Variants in TRPC5OS observed in about 807,000 individuals in gnomAD.
TRPC5OS encodes putative uncharacterized protein TRPC5OS.
For synonymous variants in TRPC5OS, 30 were observed against 29.3 expected (o/e 1.02, Z -0.08); for missense variants, 64 against 79.3 (o/e 0.81, Z 0.73).
chrX:111,881,254 G>A (rs956888464), intron 1 of TRPC5OS, among the ~76,000 whole-genome samples: 4 of 109,624 alleles, frequency 3.6e-5, no homozygotes, highest in African/African-American at 1.3e-4. Flanking sequence ...TCTGCTCACT[G>A]TAACCTCCAC....
Position 111,901,875 on chromosome X carries a change from T to A in TRPC5OS, c.26T>A (p.Leu9His). Residue 9 changes from leucine to histidine, a missense_variant, in exon 4 of 4, where the codon CTC becomes CAC. Leu to His is a moderately conservative substitution (Grantham distance 99). Transcript: ENST00000635763. MDSVLIHV[L>H]IDGLVACVAQ... Reference sequence around the variant, plus strand: ...ATGGATTCTGTGTTAATTCATGTACTCATTGATGGACTTGTTGCTTGTGTA... The same window carrying A: ...ATGGATTCTGTGTTAATTCATGTACACATTGATGGACTTGTTGCTTGTGTA... 1 of 1,147,813 alleles carries A rather than the reference T, an allele frequency of 8.7e-7. No homozygotes were observed. The highest frequency in any genetic ancestry group is 1.2e-6 in the Non-Finnish European group (1 of 868,820). The allele number at this position is 1,147,813 out of a possible 1,213,427, so 94.6% of individuals were successfully genotyped here.
chrX:111,892,931 C>A (rs1213242849), intron 1 of TRPC5OS, among the ~76,000 whole-genome samples: 1 of 111,716 alleles, frequency 9.0e-6, no homozygotes, highest in Non-Finnish European at 1.9e-5. Context: ...TAATTATATA[C>A]CAGACACCAT....
intron 1 of TRPC5OS, among the ~76,000 whole-genome samples, chrX:111,892,925 T>G (rs1924871833): frequency 8.9e-6 from 1 of 111,839 alleles, no homozygotes; most frequent in Non-Finnish European, 1.9e-5. Flanking sequence ...AGGTGCTAAT[T>G]ATATACCAGA....
At chrX:111,894,028 A>T (rs1415763509) in intron 1 of TRPC5OS, among the ~76,000 whole-genome samples, 1 of 111,592 alleles carries the variant, frequency 9.0e-6, no homozygotes, top group Non-Finnish European at 1.9e-5. Context: ...AACAAGCTAT[A>T]TTGAATGCAT....
At chrX:111,888,510 CAA>C (rs200585074) in intron 1 of TRPC5OS, among the ~76,000 whole-genome samples, 1 of 65,265 alleles carries the variant, frequency 1.5e-5, no homozygotes, top group African/African-American at 5.1e-5. Flanking sequence ...CCGTCTCTAC[CAA>C]AAAAAAAAAA....
rs1462225734 is a variant in TRPC5OS at position 111,903,815 on chromosome X, T to C, written c.*1630T>C. 1 of 112,105 alleles carries C rather than the reference T, an allele frequency of 8.9e-6. No homozygotes were observed. The highest frequency in any genetic ancestry group is 1.9e-5 in the Non-Finnish European group (1 of 53,206). 9.2% of individuals were successfully genotyped at this position (112,105 alleles called of 1,213,427 possible). ...GGTAGTACAAGTTTTCATCCCTATT[T>C]GTTTGGGTTAAAATATGTGGGGAGT... On this transcript the variant is annotated 3_prime_UTR_variant, in exon 4 of 4. Coordinates refer to ENST00000635763, the MANE Select transcript of TRPC5OS (RefSeq NM_001195578.2).
intron 1 of TRPC5OS, among the ~76,000 whole-genome samples, chrX:111,879,528 C>A (rs1296522779): frequency 8.9e-6 from 1 of 112,270 alleles, no homozygotes; most frequent in Non-Finnish European, 1.9e-5. Flanking sequence ...TCCAATAAAC[C>A]AGTCAGCACA....
chrX:111,890,444 G>A (rs955273886), intron 1 of TRPC5OS, among the ~76,000 whole-genome samples: 3 of 112,017 alleles, frequency 2.7e-5, no homozygotes, highest in African/African-American at 9.7e-5. Flanking sequence ...AGGCTTTAAG[G>A]TATATGAGGG....
intron 1 of TRPC5OS, among the ~76,000 whole-genome samples, chrX:111,887,989 C>T (rs747059868): frequency 1.8e-5 from 2 of 111,384 alleles, no homozygotes; most frequent in East Asian, 2.8e-4. Flanking sequence ...CTCAGGACTG[C>T]CAAGTTGGGA....
At chrX:111,888,617 G>A (rs1453350061) in intron 1 of TRPC5OS, among the ~76,000 whole-genome samples, 3 of 101,962 alleles carry the variant, frequency 2.9e-5, no homozygotes, top group African/African-American at 3.6e-5. Context: ...TGGCTTGAAC[G>A]TGGGAGGTGG....
At position 111,902,436 on chromosome X, in the gene TRPC5OS, T is replaced by G. The variant is rs190626743; in HGVS notation, c.*251T>G. On this transcript the variant is annotated 3_prime_UTR_variant, in exon 4 of 4. Transcript: ENST00000635763. ...CTCCCTTTACCTGTACTTACTCTCA[T>G]GCTAGAATTTCTGATGATGGGAGCA... The G allele has an allele frequency of 5.3e-6, 1 of 187,542 alleles. No individual in the cohort carries two copies. The highest frequency in any genetic ancestry group is 1.0e-4 in the East Asian group (1 of 9,621). The allele number at this position is 187,542 out of a possible 1,213,427, so 15.5% of individuals were successfully genotyped here.
At position 111,901,913 on chromosome X, in the gene TRPC5OS, A is replaced by G; in HGVS notation, c.64A>G (p.Arg22Gly). ...TGTTGCTTGTGTAGCCCAGTTAATA[A>G]GAATAGCTGATGAGCTTTTACAATT... ...GLVACVAQLI[R>G]IADELLQFIL... Residue 22 changes from arginine to glycine, a missense_variant, in exon 4 of 4, where the codon AGA becomes GGA. Coordinates refer to ENST00000635763, the MANE Select transcript of TRPC5OS (RefSeq NM_001195578.2). 1 of 1,154,102 alleles carries G rather than the reference A, an allele frequency of 8.7e-7. No homozygotes were observed. Among genetic ancestry groups the G allele is most frequent in the Non-Finnish European group, 1.1e-6 (1 of 871,934 alleles).
Position 111,902,069 on chromosome X carries a change from C to T in TRPC5OS, c.220C>T (p.Leu74Phe), listed in dbSNP as rs751294670. The stretch of plus-strand genomic sequence containing the variant: ...TGATCTCTCAGACTTAGACTCAATA[C>T]TTACACCAAGAGAGGATGAAGACCT... ...LPDLSDLDSI[L>F]TPREDEDLIF... Residue 74 changes from leucine to phenylalanine, a missense_variant, in exon 4 of 4, where the codon CTT (leucine) becomes TTT (phenylalanine). Leu to Phe is a conservative substitution (Grantham distance 22). Transcript: ENST00000635763. The T allele has an allele frequency of 8.7e-7, 1 of 1,155,005 alleles. No homozygotes were observed. The highest frequency in any genetic ancestry group is 1.9e-5 in the South Asian group (1 of 52,682).
intron 2 of TRPC5OS, 68 bp downstream of exon 2, chrX:111,896,164 T>C (rs10521538): frequency 0.17 from 18,384 of 110,337 alleles, 2,824 homozygotes; most frequent in African/African-American, 0.49. Flanking sequence ...TGTCTCCCAA[T>C]GGCCCAAAGT....
intron 1 of TRPC5OS, among the ~76,000 whole-genome samples, chrX:111,883,784 G>C (rs187750704): frequency 0.023 from 2,620 of 112,775 alleles, 71 homozygotes; most frequent in African/African-American, 0.081. Context: ...TTAAGCCCTA[G>C]CCAGGGTCTA....
At chrX:111,893,387 A>T (rs1258641823) in intron 1 of TRPC5OS, among the ~76,000 whole-genome samples, 1 of 111,960 alleles carries the variant, frequency 8.9e-6, no homozygotes, top group Non-Finnish European at 1.9e-5. Flanking sequence ...AGCCTCAAGG[A>T]CAAGCCTGTG....
chrX:111,902,112 A>G lies in TRPC5OS; in HGVS notation c.263A>G (p.Gln88Arg). Residue 88 changes from glutamine to arginine, a missense_variant, in exon 4 of 4, where the codon CAG (glutamine) becomes CGG (arginine). Transcript: ENST00000635763. Reference sequence around the variant, plus strand: ...GAAGACCTAATATTTGATATAGATCAGGCTATGTTAGACATGGATAACTTA... The same window carrying G: ...GAAGACCTAATATTTGATATAGATCGGGCTATGTTAGACATGGATAACTTA... ...EDEDLIFDID[Q>R]AMLDMDNLYE... 8.7e-7 allele frequency: 1 copy of G among 1,153,836 alleles called. No individual in the cohort carries two copies. Among genetic ancestry groups the G allele is most frequent in the Non-Finnish European group, 1.1e-6 (1 of 871,862 alleles).
chrX:111,880,094 T>C (rs1011313616), intron 1 of TRPC5OS, among the ~76,000 whole-genome samples: 3 of 111,892 alleles, frequency 2.7e-5, no homozygotes, highest in Non-Finnish European at 5.6e-5. Context: ...CTGCTTTTTT[T>C]TTTTTAACCA....
chrX:111,882,484 A>G (rs1397517015), intron 1 of TRPC5OS, among the ~76,000 whole-genome samples: 2 of 112,788 alleles, frequency 1.8e-5, no homozygotes, highest in African/African-American at 6.4e-5. Context: ...TCCTTACGAA[A>G]GAGTAGCTGC....
Sources: allele counts gnomAD v4.1 joint callset (sites outside exome capture counted in the v4.1 genomes callset), GRCh38; gene constraint gnomAD v4.1.1; transcripts MANE v1.5; gene names NCBI Gene and HGNC (gene_info 2026-07-23, HGNC 2026-07-21).